ALK: variants seen among roughly 807,000 people sequenced by gnomAD.
The protein encoded by ALK is ALK receptor tyrosine kinase, also known as ALK tyrosine kinase receptor.
In ALK, 74 loss-of-function variants were observed where a neutral mutation model predicts 163.1. The ratio of observed to expected loss-of-function variants is 0.45; its 90% CI spans 0.38 to 0.55. The LOEUF (loss-of-function observed/expected upper bound fraction) is 0.55, where lower values mean the gene tolerates loss of function less well. ALK is among the 20% of genes least tolerant of loss of function. ALK has a pLI of 0.00. For synonymous variants in ALK, 960 were observed against 843.2 expected (o/e 1.14, Z -2.40); for missense variants, 2,063 against 2,105.3 (o/e 0.98, Z 0.39).
chr2:29,414,980 C>T (rs1261109262), intron 4 of ALK, among the ~76,000 whole-genome samples: 1 of 151,796 alleles, frequency 6.6e-6, no homozygotes, highest in East Asian at 1.9e-4. Flanking sequence ...GCTCCAGGCC[C>T]AGGAGCATAC....
intron 3 of ALK, among the ~76,000 whole-genome samples, chr2:29,568,413 G>A (rs67551105): frequency 0.12 from 18,136 of 152,102 alleles, 1,422 homozygotes; most frequent in Non-Finnish European, 0.18. Context: ...TGTCACTGCC[G>A]AAATCTAGCT....
At chr2:29,228,139 T>G (rs1375674792) in intron 16 of ALK, among the ~76,000 whole-genome samples, 1 of 152,168 alleles carries the variant, frequency 6.6e-6, no homozygotes, top group African/African-American at 2.4e-5. Context: ...CATCTGGGGC[T>G]GGGCTATCTT....
chr2:29,785,809 G>A (rs756829428), intron 1 of ALK, among the ~76,000 whole-genome samples: 3 of 151,162 alleles, frequency 2.0e-5, no homozygotes, highest in Non-Finnish European at 4.4e-5. Context: ...CAAACTCTCT[G>A]TGACTTCTGA....
intron 23 of ALK, among the ~76,000 whole-genome samples, chr2:29,215,726 A>G (rs1669586576): frequency 6.6e-6 from 1 of 152,112 alleles, no homozygotes; most frequent in South Asian, 2.1e-4. Context: ...TACAGTGCCC[A>G]ATGCACACCA....
chr2:29,738,960 G>C (rs1469892754), intron 1 of ALK, among the ~76,000 whole-genome samples: 1 of 152,016 alleles, frequency 6.6e-6, no homozygotes, highest in African/African-American at 2.4e-5. Context: ...ATATTGGCTA[G>C]GCACAGTGGC....
At chr2:29,689,801 T>C (rs1386181260) in intron 3 of ALK, among the ~76,000 whole-genome samples, 2 of 152,218 alleles carry the variant, frequency 1.3e-5, no homozygotes, top group African/African-American at 4.8e-5. Flanking sequence ...CGATAACACA[T>C]GTCCCGTTAA....
rs565682628 is a variant in ALK, at chr2:29,303,208, C to A, written c.1648-6151G>T. Among the ~76,000 whole-genome samples the A allele has an allele frequency of 2.5e-3, 382 of 152,122 alleles. 2 individuals carry two copies. The highest frequency in any genetic ancestry group is 8.8e-3 in the African/African-American group (366 of 41,522). ...CTTCATTAAAAATAACACCTTTGCC[C>A]TTTGTCTGGGCAAAGGACATTAATA... On this transcript the variant is annotated intron_variant, in intron 8 of 28. Transcript: ENST00000389048.
chr2:29,764,199 G>A (rs1573616487), intron 1 of ALK, among the ~76,000 whole-genome samples: 1 of 152,198 alleles, frequency 6.6e-6, no homozygotes, highest in African/African-American at 2.4e-5. Context: ...CCAAGGGTCA[G>A]GCTGAGGCCC....
chr2:29,292,440 A>G (rs921457408), intron 9 of ALK, among the ~76,000 whole-genome samples: 1 of 152,226 alleles, frequency 6.6e-6, no homozygotes, highest in African/African-American at 2.4e-5. Context: ...TAGAATCAGG[A>G]GAGAGAACTT....
At chr2:29,889,691 TAGACAGAGAGAGAG>T (rs1667089879) in intron 1 of ALK, among the ~76,000 whole-genome samples, 1 of 23,308 alleles carries the variant, frequency 4.3e-5, no homozygotes, top group Non-Finnish European at 1.2e-4. Context: ...TATAGATAGA[TAGACAGAGAGAGAG>T]AGAGAGAGAG....
intron 24 of ALK, 37 bp from the exon 25 acceptor site, chr2:29,209,915 C>A (rs1669419326): frequency 6.5e-7 from 1 of 1,546,142 alleles, no homozygotes; most frequent in Non-Finnish European, 8.9e-7. Context: ...AATTTTATCC[C>A]TAGGAAGATG....
At chr2:29,809,344 T>A (rs1380761705) in intron 1 of ALK, among the ~76,000 whole-genome samples, 2 of 152,242 alleles carry the variant, frequency 1.3e-5, no homozygotes, top group African/African-American at 4.8e-5. Context: ...TCCATCATAC[T>A]GAGAGTTTGA....
chr2:29,761,307 T>C (rs973512819), intron 1 of ALK, among the ~76,000 whole-genome samples: 9 of 152,304 alleles, frequency 5.9e-5, no homozygotes, highest in African/African-American at 2.2e-4. Flanking sequence ...GTGGGCCCAG[T>C]TGCCAGTTTT....
intron 3 of ALK, among the ~76,000 whole-genome samples, chr2:29,694,623 C>T (rs796559234): frequency 3.4e-4 from 52 of 152,346 alleles, no homozygotes; most frequent in African/African-American, 1.2e-3. Context: ...TGAAACCCTA[C>T]TTTTATTACT....
At chr2:29,822,239 C>T (rs997160911) in intron 1 of ALK, among the ~76,000 whole-genome samples, 1 of 152,188 alleles carries the variant, frequency 6.6e-6, no homozygotes, top group African/African-American at 2.4e-5. Flanking sequence ...ACGAGGAGAT[C>T]TGAAATCAAA....
At chr2:29,269,571 C>G (rs1004022132) in intron 11 of ALK, among the ~76,000 whole-genome samples, 1 of 152,186 alleles carries the variant, frequency 6.6e-6, no homozygotes, top group South Asian at 2.1e-4. Context: ...GAACGTGCTG[C>G]GATGACTGGG....
At chr2:29,365,680 T>G (rs191638967) in intron 5 of ALK, among the ~76,000 whole-genome samples, 1 of 152,356 alleles carries the variant, frequency 6.6e-6, no homozygotes, top group East Asian at 1.9e-4. Flanking sequence ...GACTCAGGAC[T>G]ACAATCGATA....
intron 4 of ALK, among the ~76,000 whole-genome samples, chr2:29,516,724 T>C (rs146046142): frequency 7.2e-5 from 11 of 152,320 alleles, no homozygotes; most frequent in Non-Finnish European, 1.6e-4. Context: ...AATAATATGT[T>C]ACCTCACAGG....
intron 3 of ALK, among the ~76,000 whole-genome samples, chr2:29,694,394 C>T (rs1285049996): frequency 1.3e-5 from 2 of 152,208 alleles, no homozygotes; most frequent in Admixed American, 6.5e-5. Context: ...AATAAACATG[C>T]AGGACACTCA....
Sources: allele counts gnomAD v4.1 joint callset (sites outside exome capture counted in the v4.1 genomes callset), GRCh38; gene constraint gnomAD v4.1.1; transcripts MANE v1.5; gene names NCBI Gene and HGNC (gene_info 2026-07-23, HGNC 2026-07-21).